The following AOAH variants were observed in gnomAD, a reference collection of about 807,000 sequenced individuals.
AOAH encodes acyloxyacyl hydrolase, also known as acyloxyacyl hydrolase (neutrophil).
AOAH carries 64 observed loss-of-function variants against 92.2 expected under a neutral mutation model. That is an observed-to-expected ratio of 0.69 (90% CI 0.57 to 0.86). AOAH has a LOEUF of 0.86. AOAH is among the 40% of genes least tolerant of loss of function. The pLI is 0.00. For missense variants in AOAH, 656 were observed against 694.6 expected, an observed-to-expected ratio of 0.94 and a Z score of 0.62; for synonymous variants, 263 against 254.5, an observed-to-expected ratio of 1.03 and a Z score of -0.32.
intron 13 of AOAH, among the ~76,000 whole-genome samples, chr7:36,558,526 G>T (rs949565073): frequency 6.6e-6 from 1 of 152,208 alleles, no homozygotes; most frequent in African/African-American, 2.4e-5. Context: ...AGACATTTAA[G>T]TCTGCAGAGG....
chr7:36,694,887 G>T (rs886757765), intron 1 of AOAH, among the ~76,000 whole-genome samples: 1 of 152,094 alleles, frequency 6.6e-6, no homozygotes, highest in Non-Finnish European at 1.5e-5. Context: ...GTTTCAAAGA[G>T]GATAGACAGA....
rs12531209 is a variant in AOAH at position 36,516,872 on chromosome 7, T to C, written c.1600-3492A>G. The stretch of plus-strand genomic sequence containing the variant: ...AAATGAAAGAGCTCAGATATGAGCA[T>C]TTGGTAACTGGTTTGAACGCAATTA... On this transcript the variant is annotated intron_variant, in intron 20 of 20. Transcript: ENST00000617537. This position sits in a 1 kb window ranked among gnomAD's most constrained non-coding sequence, Gnocchi z 5.0. Among the ~76,000 whole-genome samples the C allele has an allele frequency of 0.29, 43,475 of 152,170 alleles. 7,435 individuals are homozygous for C. The highest frequency in any genetic ancestry group is 0.45 in the Middle Eastern group (130 of 292).
intron 20 of AOAH, chr7:36,514,525 G>C: frequency 1.3e-6 from 2 of 1,535,944 alleles, no homozygotes; most frequent in Non-Finnish European, 1.7e-6. Flanking sequence ...ATGTTAGCTG[G>C]GTCCATTCTT....
At chr7:36,678,378 T>C (rs1423676682) in intron 2 of AOAH, among the ~76,000 whole-genome samples, 1 of 152,220 alleles carries the variant, frequency 6.6e-6, no homozygotes, top group African/African-American at 2.4e-5. Context: ...TTGTAAGAGA[T>C]ATTCCAAATT....
intron 2 of AOAH, among the ~76,000 whole-genome samples, chr7:36,674,929 A>G (rs1186664628): frequency 6.6e-6 from 1 of 152,250 alleles, no homozygotes; most frequent in East Asian, 1.9e-4. Flanking sequence ...CTATTCTATG[A>G]CTTTTTAGAC....
At chr7:36,524,821 C>A (rs1054538410) in intron 19 of AOAH, among the ~76,000 whole-genome samples, 1 of 151,938 alleles carries the variant, frequency 6.6e-6, no homozygotes, top group Non-Finnish European at 1.5e-5. Context: ...CAGAACCTGA[C>A]CATGCTGGCA....
intron 3 of AOAH, among the ~76,000 whole-genome samples, chr7:36,663,324 A>G (rs1044151961): frequency 6.6e-6 from 1 of 152,200 alleles, no homozygotes; most frequent in African/African-American, 2.4e-5. Context: ...ATCATCGTCC[A>G]AAGTGTTTAG....
chr7:36,628,408 T>G (rs1792827446), intron 6 of AOAH, among the ~76,000 whole-genome samples: 1 of 152,216 alleles, frequency 6.6e-6, no homozygotes, highest in Non-Finnish European at 1.5e-5. Context: ...CATAGCCTGA[T>G]AGCTACACAT....
chr7:36,678,336 A>G (rs779734248), intron 2 of AOAH, among the ~76,000 whole-genome samples: 22 of 152,148 alleles, frequency 1.4e-4, no homozygotes, highest in Non-Finnish European at 2.5e-4. Context: ...TTTGGTCTCT[A>G]TCACTATAAT....
At chr7:36,706,552 G>C (rs1039078357) in intron 1 of AOAH, among the ~76,000 whole-genome samples, 6 of 152,274 alleles carry the variant, frequency 3.9e-5, no homozygotes, top group Middle Eastern at 3.4e-3. Flanking sequence ...TCCCTAACAA[G>C]AGTCAGCTTG....
intron 13 of AOAH, among the ~76,000 whole-genome samples, chr7:36,569,311 A>T (rs915177869): frequency 1.3e-5 from 2 of 152,168 alleles, no homozygotes; most frequent in Admixed American, 1.3e-4. Context: ...TTGTCTGGAA[A>T]CTGTAAAGAG....
At chr7:36,524,360 C>T (rs190020092) in intron 19 of AOAH, among the ~76,000 whole-genome samples, 1 of 151,970 alleles carries the variant, frequency 6.6e-6, no homozygotes, top group African/African-American at 2.4e-5. Context: ...CATGAATTCA[C>T]ACCCAGCCAG....
At chr7:36,544,619 A>G (rs1473950003) in intron 15 of AOAH, among the ~76,000 whole-genome samples, 1 of 152,192 alleles carries the variant, frequency 6.6e-6, no homozygotes, top group African/African-American at 2.4e-5. Flanking sequence ...GAAAATAATG[A>G]GAGAGAAACT....
At chr7:36,544,180 C>T (rs992190685) in intron 15 of AOAH, among the ~76,000 whole-genome samples, 3 of 151,980 alleles carry the variant, frequency 2.0e-5, no homozygotes, top group African/African-American at 7.3e-5. Flanking sequence ...CTCTTGACCT[C>T]GTGATCTGCC....
At position 36,530,516 on chromosome 7, in the gene AOAH, T is replaced by C. The variant is rs772528849; in HGVS notation, c.1426-2A>G. The stretch of plus-strand genomic sequence containing the variant: ...TGTGTTGGAGAGTTGCTCTGCTCTC[T>C]GAAGAGAGAGGAAACAGGGAGAATT... On this transcript the variant is annotated splice_acceptor_variant, in intron 18 of 20. Transcript: ENST00000617537. LOFTEE classifies it high-confidence loss of function. 2 of 1,601,372 alleles carry C rather than the reference T, an allele frequency of 1.2e-6. No homozygotes were observed. Among genetic ancestry groups the C allele is most frequent in the African/African-American group, 1.3e-5 (1 of 74,760 alleles).
At chr7:36,705,146 C>T (rs1328659569) in intron 1 of AOAH, among the ~76,000 whole-genome samples, 2 of 152,110 alleles carry the variant, frequency 1.3e-5, no homozygotes, top group Non-Finnish European at 2.9e-5. Flanking sequence ...CTGGCCAATG[C>T]AATCAGGCAA....
At chr7:36,663,369 C>T (rs1263160082) in intron 3 of AOAH, among the ~76,000 whole-genome samples, 1 of 152,168 alleles carries the variant, frequency 6.6e-6, no homozygotes, top group African/African-American at 2.4e-5. Context: ...GTTGTATACT[C>T]TATGGGTTTG....
intron 11 of AOAH, among the ~76,000 whole-genome samples, chr7:36,610,391 G>T (rs1435164697): frequency 6.6e-6 from 1 of 151,636 alleles, no homozygotes; most frequent in African/African-American, 2.4e-5. Flanking sequence ...ATACATATAT[G>T]CATACAAGGG....
chr7:36,530,289 T>G, intron 19 of AOAH, 129 bp downstream of exon 19: 1 of 641,296 alleles, frequency 1.6e-6, no homozygotes, highest in Non-Finnish European at 2.8e-6. Flanking sequence ...TATTAGTGTG[T>G]CAGAATAGGC....
Sources: allele counts gnomAD v4.1 joint callset (sites outside exome capture counted in the v4.1 genomes callset), GRCh38; gene constraint gnomAD v4.1.1; non-coding constraint Gnocchi (gnomAD v3.1); transcripts MANE v1.5; gene names NCBI Gene and HGNC (gene_info 2026-07-23, HGNC 2026-07-21).